PHEX: variants seen among roughly 807,000 people sequenced by gnomAD.
The protein encoded by PHEX is phosphate regulating endopeptidase X-linked, also known as phosphate-regulating neutral endopeptidase PHEX.
A neutral mutation model predicts 68.0 loss-of-function variants in PHEX; 16 were observed. That is an observed-to-expected ratio of 0.24 (90% CI 0.16 to 0.36). The LOEUF (loss-of-function observed/expected upper bound fraction) is 0.36, where lower values mean the gene tolerates loss of function less well. Ranked by LOEUF, PHEX falls within the 10% of genes least tolerant of loss-of-function variation. PHEX has a pLI of 1.00. For missense variants in PHEX, 480 were observed against 575.5 expected, an observed-to-expected ratio of 0.83 and a Z score of 1.70; for synonymous variants, 208 against 205.1, an observed-to-expected ratio of 1.01 and a Z score of -0.12.
Position 22,033,015 on chromosome X carries a change from G to C in PHEX, c.10G>C (p.Glu4Gln), listed in dbSNP as rs147859619. The C allele has an allele frequency of 2.3e-4, 282 of 1,203,671 alleles. 1 individual carries two copies. The East Asian group carries it at 6.3e-3, about 27-fold the overall frequency. Residue 4 changes from glutamate (E) to glutamine (Q), a missense_variant, in exon 1 of 22, where the codon GAA becomes CAA. Transcript: ENST00000379374. MEA[E>Q]TGSSVETGKK... ...CTCTACGGCCCTTCTGATGGAAGCA[G>C]AAACAGGGAGCAGCGTGGAGACTGG... is the stretch of plus-strand genomic sequence containing the variant.
At chrX:22,075,939 T>C (rs769098555) in intron 3 of PHEX, among the ~76,000 whole-genome samples, 1 of 112,215 alleles carries the variant, frequency 8.9e-6, no homozygotes, top group South Asian at 3.7e-4. Context: ...TTCTTCCGGG[T>C]GACCTCCTTG....
chrX:22,117,329 G>T (rs1931278668), intron 11 of PHEX, among the ~76,000 whole-genome samples: 1 of 111,573 alleles, frequency 9.0e-6, no homozygotes, highest in Admixed American at 9.6e-5. Context: ...CCCTCAGTTT[G>T]GTCTGGGAAC....
intron 20 of PHEX, among the ~76,000 whole-genome samples, chrX:22,241,600 G>T (rs1389015484): frequency 9.0e-6 from 1 of 111,523 alleles, no homozygotes; most frequent in Non-Finnish European, 1.9e-5. Context: ...CATCACCACC[G>T]ATCCCACAGA....
At chrX:22,178,500 C>A in intron 14 of PHEX, 124 bp downstream of exon 14, 1 of 401,644 alleles carries the variant, frequency 2.5e-6, no homozygotes, top group Non-Finnish European at 4.4e-6. Flanking sequence ...CTTGTTTTAG[C>A]AAAATCTGTG....
chrX:22,147,381 C>T (rs1403939116), intron 12 of PHEX, among the ~76,000 whole-genome samples: 1 of 110,841 alleles, frequency 9.0e-6, no homozygotes, highest in African/African-American at 3.3e-5. Flanking sequence ...TTGGTGCTGT[C>T]TCTAGGGTTG....
intron 9 of PHEX, chrX:22,099,507 C>CTT (rs76234507): frequency 4.3e-4 from 63 of 147,686 alleles, no homozygotes; most frequent in East Asian, 5.6e-4. Flanking sequence ...TCTTTTGCTG[C>CTT]TTTTTTTTTT....
intron 11 of PHEX, among the ~76,000 whole-genome samples, chrX:22,125,512 C>G: frequency 9.0e-6 from 1 of 110,683 alleles, no homozygotes; most frequent in Non-Finnish European, 1.9e-5. Context: ...GAACTCCTAG[C>G]CTATAATTAT....
chrX:22,038,440 C>T (rs1927124767), intron 1 of PHEX, 29 bp from the exon 2 acceptor site: 3 of 1,049,336 alleles, frequency 2.9e-6, no homozygotes, highest in Non-Finnish European at 2.7e-6. Context: ...TGCTACAACT[C>T]AGCCATTTAT....
chrX:22,175,660 G>T (rs983304206), intron 13 of PHEX, among the ~76,000 whole-genome samples: 3 of 111,464 alleles, frequency 2.7e-5, no homozygotes, highest in Admixed American at 1.9e-4. Flanking sequence ...CCTTTAGAAA[G>T]TTTTGAGATG....
chrX:22,212,635 A>G (rs981541777), intron 15 of PHEX, among the ~76,000 whole-genome samples: 2 of 111,939 alleles, frequency 1.8e-5, no homozygotes, highest in Non-Finnish European at 3.8e-5. Flanking sequence ...TGAGCATGCC[A>G]TGTATGAAGG....
At chrX:22,177,527 T>G (rs768557594) in intron 13 of PHEX, among the ~76,000 whole-genome samples, 1 of 111,686 alleles carries the variant, frequency 9.0e-6, no homozygotes, top group Non-Finnish European at 1.9e-5. Flanking sequence ...TCTGCCATTC[T>G]CCTTCCAAAA....
chrX:22,111,581 G>A (rs1304456994), intron 10 of PHEX, 21 bp downstream of exon 10: 4 of 1,039,780 alleles, frequency 3.8e-6, no homozygotes, highest in Middle Eastern at 2.5e-4. Context: ...GAAGATTGCA[G>A]TGTTACATCG....
chrX:22,247,164 G>A (rs1005838262), intron 21 of PHEX, among the ~76,000 whole-genome samples: 7 of 112,280 alleles, frequency 6.2e-5, no homozygotes, highest in African/African-American at 2.3e-4. Flanking sequence ...ACTGATTGTT[G>A]CATTAATCAA....
At chrX:22,048,434 C>G (rs1393965469) in intron 3 of PHEX, among the ~76,000 whole-genome samples, 1 of 111,394 alleles carries the variant, frequency 9.0e-6, no homozygotes, top group East Asian at 2.8e-4. Flanking sequence ...TTTCCTATTT[C>G]CCTTCTCTGG....
intron 13 of PHEX, among the ~76,000 whole-genome samples, chrX:22,174,219 T>C (rs745328723): frequency 5.3e-5 from 6 of 112,246 alleles, no homozygotes; most frequent in Admixed American, 1.9e-4. Context: ...AAAGTGATCA[T>C]CAACTTGACC....
At chrX:22,126,441 C>A (rs921283143) in intron 11 of PHEX, among the ~76,000 whole-genome samples, 13 of 111,611 alleles carry the variant, frequency 1.2e-4, no homozygotes, top group Non-Finnish European at 2.3e-4. Flanking sequence ...AAAACTACAA[C>A]CGATCATGGG....
intron 11 of PHEX, among the ~76,000 whole-genome samples, chrX:22,117,133 G>A (rs1931269629): frequency 1.8e-5 from 2 of 112,300 alleles, no homozygotes; most frequent in African/African-American, 6.5e-5. Context: ...GTCTTTCGAC[G>A]ATTGCACACT....
At chrX:22,209,955 A>T (rs1041795620) in intron 15 of PHEX, among the ~76,000 whole-genome samples, 54 of 108,121 alleles carry the variant, frequency 5.0e-4, no homozygotes, top group African/African-American at 1.5e-3. Flanking sequence ...AAAAAAAAAA[A>T]TAAATAAATA....
At chrX:22,145,344 C>G (rs1932645756) in intron 12 of PHEX, among the ~76,000 whole-genome samples, 1 of 112,150 alleles carries the variant, frequency 8.9e-6, no homozygotes, top group African/African-American at 3.2e-5. Context: ...GGCGCAGAGG[C>G]TTACGCCTGT....
Sources: allele counts gnomAD v4.1 joint callset (sites outside exome capture counted in the v4.1 genomes callset), GRCh38; gene constraint gnomAD v4.1.1; transcripts MANE v1.5; gene names NCBI Gene and HGNC (gene_info 2026-07-23, HGNC 2026-07-21).